TENM2: variants seen among roughly 807,000 people sequenced by gnomAD.
TENM2 encodes teneurin transmembrane protein 2.
Under a neutral mutation model 245.2 loss-of-function variants are expected in TENM2, and 52 were observed. The observed-to-expected ratio is 0.21, with a 90% CI of 0.17 to 0.27. The LOEUF (loss-of-function observed/expected upper bound fraction) is 0.27. Among genes scored for constraint, TENM2 ranks in the 10% least tolerant of loss-of-function variants. The pLI, the probability that TENM2 is intolerant of heterozygous loss-of-function variation, is 1.00. For synonymous variants in TENM2, 1,363 were observed against 1,438.9 expected (o/e 0.95, Z 1.19); for missense variants, 3,046 against 3,666.8 (o/e 0.83, Z 4.37).
chr5:167,944,288 G>C (rs1016036411), intron 3 of TENM2, among the ~76,000 whole-genome samples: 3 of 152,142 alleles, frequency 2.0e-5, no homozygotes, highest in African/African-American at 7.2e-5. Flanking sequence ...GTCCCTGCCT[G>C]TGCCTGGCTA....
intron 2 of TENM2, among the ~76,000 whole-genome samples, chr5:167,479,504 A>C (rs1767622422): frequency 6.6e-6 from 1 of 152,240 alleles, no homozygotes. Flanking sequence ...AACACTGTCA[A>C]GTTTATAGTC....
intron 4 of TENM2, chr5:167,965,105 T>G (rs1466042465): frequency 1.3e-5 from 2 of 152,116 alleles, no homozygotes; most frequent in African/African-American, 2.4e-5. Context: ...ATGTGAGGTA[T>G]AGTTTGAAGG....
At chr5:167,290,931 AT>A (rs1284587177) in intron 1 of TENM2, among the ~76,000 whole-genome samples, 1 of 152,174 alleles carries the variant, frequency 6.6e-6, no homozygotes, top group Non-Finnish European at 1.5e-5. Flanking sequence ...AAATTAATCC[AT>A]TTTCGTCACT....
At chr5:167,358,842 CACA>C (rs1561891634) in intron 1 of TENM2, among the ~76,000 whole-genome samples, 12 of 101,900 alleles carry the variant, frequency 1.2e-4, no homozygotes, top group African/African-American at 4.1e-4. Flanking sequence ...CACACACACA[CACA>C]CACACACCCT....
intron 2 of TENM2, among the ~76,000 whole-genome samples, chr5:167,422,771 C>A (rs1454604248): frequency 1.3e-5 from 2 of 152,088 alleles, no homozygotes; most frequent in Non-Finnish European, 2.9e-5. Flanking sequence ...AATCCTGATG[C>A]CAGAGCTGCA....
At chr5:167,281,252 C>T (rs1013915999), upstream of TENM2, among the ~76,000 whole-genome samples, 15 of 151,082 alleles carry the variant, frequency 9.9e-5, no homozygotes, top group East Asian at 3.9e-4. Context: ...GGATTACAGG[C>T]ACCTGCCACC....
At chr5:167,417,471 C>G (rs552762524) in intron 2 of TENM2, among the ~76,000 whole-genome samples, 1 of 152,244 alleles carries the variant, frequency 6.6e-6, no homozygotes, top group African/African-American at 2.4e-5. Flanking sequence ...TGACATGAGG[C>G]CTTTTGCTTA....
At chr5:167,946,110 G>C (rs541115096) in intron 3 of TENM2, among the ~76,000 whole-genome samples, 2 of 152,322 alleles carry the variant, frequency 1.3e-5, no homozygotes, top group East Asian at 3.9e-4. Flanking sequence ...AAGTCATTCT[G>C]TAGGTGTTAA....
At chr5:167,533,272 A>G (rs1771633566) in intron 2 of TENM2, among the ~76,000 whole-genome samples, 1 of 152,200 alleles carries the variant, frequency 6.6e-6, no homozygotes, top group Admixed American at 6.5e-5. Context: ...CCGAAAAACA[A>G]GCCAATGAAC....
At chr5:167,448,169 A>G (rs1765343141) in intron 2 of TENM2, among the ~76,000 whole-genome samples, 1 of 152,140 alleles carries the variant, frequency 6.6e-6, no homozygotes, top group South Asian at 2.1e-4. Context: ...GCACAATGGC[A>G]TGTCCCCCCA....
At chr5:167,577,057 C>T (rs79278381) in intron 2 of TENM2, among the ~76,000 whole-genome samples, 1,526 of 152,218 alleles carry the variant, frequency 0.01, 28 homozygotes, top group African/African-American at 0.035. Context: ...AGGGGACCCA[C>T]GCTGGAACTG....
intron 2 of TENM2, among the ~76,000 whole-genome samples, chr5:167,382,924 A>G (rs1761175410): frequency 7.9e-6 from 1 of 126,276 alleles, no homozygotes; most frequent in Non-Finnish European, 1.6e-5. Context: ...ACATTTTAAT[A>G]TGCACACAAA....
At chr5:167,693,688 G>A (rs1463972234) in intron 2 of TENM2, among the ~76,000 whole-genome samples, 1 of 149,486 alleles carries the variant, frequency 6.7e-6, no homozygotes, top group Non-Finnish European at 1.5e-5. Flanking sequence ...GTATGGGCAA[G>A]AGTGAAGGGC....
the TENM2 span, among the ~76,000 whole-genome samples, chr5:167,015,920 C>T: frequency 1.3e-4 from 20 of 151,972 alleles, no homozygotes; most frequent in African/African-American, 4.4e-4. Flanking sequence ...CTGAGTAATC[C>T]TCAGAGGCCC....
chr5:167,292,054 A>T (rs1432520655), intron 1 of TENM2, among the ~76,000 whole-genome samples: 2 of 152,174 alleles, frequency 1.3e-5, no homozygotes, highest in Non-Finnish European at 2.9e-5. Flanking sequence ...TGCCCTTCAT[A>T]AAACCATCAA....
exon 2 of TENM2, chr5:167,375,217 C>G: frequency 6.4e-7 from 1 of 1,551,598 alleles, no homozygotes; most frequent in Middle Eastern, 1.7e-4. Flanking sequence ...TCACCCTTGC[C>G]GAACTGGGCA....
chr5:167,458,668 A>G (rs994795587), intron 2 of TENM2, among the ~76,000 whole-genome samples: 14 of 152,190 alleles, frequency 9.2e-5, no homozygotes, highest in African/African-American at 3.4e-4. Flanking sequence ...TGATAATAAC[A>G]AAATACAACA....
At chr5:167,503,730 C>CA (rs1452881753) in intron 2 of TENM2, among the ~76,000 whole-genome samples, 3 of 151,802 alleles carry the variant, frequency 2.0e-5, no homozygotes, top group Non-Finnish European at 4.4e-5. Context: ...CCCATTTCTA[C>CA]AAAAAATACA....
At chr5:167,658,210 CTTT>C (rs147052272) in intron 2 of TENM2, among the ~76,000 whole-genome samples, 3 of 139,606 alleles carry the variant, frequency 2.1e-5, no homozygotes, top group Non-Finnish European at 3.1e-5. Context: ...TGTGCGAAGC[CTTT>C]TTTTTTTTTT....
Sources: allele counts gnomAD v4.1 joint callset (sites outside exome capture counted in the v4.1 genomes callset), GRCh38; gene constraint gnomAD v4.1.1; transcripts MANE v1.5; gene names NCBI Gene and HGNC (gene_info 2026-07-23, HGNC 2026-07-21).